The following FAM133B variants were observed in gnomAD, a reference collection of about 807,000 sequenced individuals.
FAM133B encodes protein FAM133B.
FAM133B carries 25 observed loss-of-function variants against 46.4 expected under a neutral mutation model. The ratio of observed to expected loss-of-function variants is 0.54; its 90% CI spans 0.39 to 0.75. The LOEUF (loss-of-function observed/expected upper bound fraction) is 0.75, where lower values mean the gene tolerates loss of function less well. FAM133B is among the 30% of genes least tolerant of loss of function. The pLI, the probability that FAM133B is intolerant of heterozygous loss-of-function variation, is 0.00. For missense variants in FAM133B, 205 were observed against 277.6 expected, an observed-to-expected ratio of 0.74 and a Z score of 1.86; for synonymous variants, 75 against 86.0, an observed-to-expected ratio of 0.87 and a Z score of 0.71.
At chr7:92,585,421 G>C (rs1795011735) in intron 1 of FAM133B, 1 of 946,050 alleles carries the variant, frequency 1.1e-6, no homozygotes, top group Non-Finnish European at 1.3e-6. Context: ...TTTCAGGTTA[G>C]AATTGTAAAA....
At chr7:92,576,243 C>T (rs570378654) in intron 7 of FAM133B, among the ~76,000 whole-genome samples, 3 of 152,284 alleles carry the variant, frequency 2.0e-5, no homozygotes, top group Admixed American at 6.5e-5. Flanking sequence ...ATCCATAAAG[C>T]GGATTACCAA....
In FAM133B at chr7:92,589,469, G is replaced by C. The variant is rs151031852; in HGVS notation, c.24+799C>G. On this transcript the variant is annotated intron_variant, in intron 1 of 10. Coordinates refer to ENST00000445716, the MANE Select transcript of FAM133B (RefSeq NM_152789.4). ...CATTCACTAGAGTAATAATTTTCATGCCCAGTACTCGCTCACACATCTTGC... is the reference window on the plus strand; with the variant it reads ...CATTCACTAGAGTAATAATTTTCATCCCCAGTACTCGCTCACACATCTTGC... Among the ~76,000 whole-genome samples, 572 of 152,148 alleles carry C rather than the reference G, an allele frequency of 3.8e-3. 7 individuals carry two copies. Among genetic ancestry groups the C allele is most frequent in the African/African-American group, 0.013 (551 of 41,496 alleles).
At chr7:92,574,891 G>A (rs1488961795) in intron 8 of FAM133B, among the ~76,000 whole-genome samples, 7 of 145,622 alleles carry the variant, frequency 4.8e-5, no homozygotes, top group Non-Finnish European at 1.0e-4. Flanking sequence ...CGGCCTGGGC[G>A]ACAGAGCGAG....
chr7:92,577,321 T>A, intron 6 of FAM133B, 126 bp from the exon 7 acceptor site: 2 of 545,376 alleles, frequency 3.7e-6, no homozygotes, highest in Non-Finnish European at 3.0e-6. Context: ...ATTTTTTTCT[T>A]AATACTTAAT....
At position 92,581,531 on chromosome 7, in the gene FAM133B, A is replaced by G; in HGVS notation, c.97T>C (p.Tyr33His). Residue 33 changes from tyrosine (Y) to histidine (H), a missense_variant, in exon 2 of 11, where the codon TAT becomes CAT. Coordinates refer to ENST00000445716, the MANE Select transcript of FAM133B (RefSeq NM_152789.4). ...IQSSGPTIQD[Y>H]LNRPRPTWEE... is the part of the protein sequence containing the mutation. ...CAGGTAGGCCTTGGTCGATTCAGAT[A>G]ATCCTGTATTGTTGGCCCTGAAGAC... 1 of 1,613,800 alleles carries G rather than the reference A, an allele frequency of 6.2e-7. No homozygotes were observed. Among genetic ancestry groups the G allele is most frequent in the Non-Finnish European group, 8.5e-7 (1 of 1,179,762 alleles).
rs114104652 is a variant in FAM133B at position 92,588,417 on chromosome 7, C to T, written c.24+1851G>A. The stretch of plus-strand genomic sequence containing the variant: ...AGAAGAGCCCAAAATACTCAAACAC[C>T]TAAGGATGCTCCTATGCTGAAATGG... On this transcript the variant is annotated intron_variant, in intron 1 of 10. Transcript: ENST00000445716. Among the ~76,000 whole-genome samples the T allele has an allele frequency of 7.2e-3, 1,091 of 152,242 alleles. 15 individuals are homozygous for T. Among genetic ancestry groups the T allele is most frequent in the African/African-American group, 0.025 (1,043 of 41,524 alleles).
intron 8 of FAM133B, among the ~76,000 whole-genome samples, chr7:92,572,230 G>C (rs1485937835): frequency 6.6e-6 from 1 of 152,194 alleles, no homozygotes; most frequent in Non-Finnish European, 1.5e-5. Context: ...AGGTTAAGAA[G>C]CTCAACCATT....
intron 8 of FAM133B, 71 bp downstream of exon 8, chr7:92,575,700 C>A: frequency 4.2e-6 from 3 of 722,384 alleles, no homozygotes; most frequent in South Asian, 4.1e-5. Context: ...AAGAGATACA[C>A]ATTATTGTTA....
chr7:92,578,959 G>A (rs551334605), intron 3 of FAM133B, among the ~76,000 whole-genome samples: 1 of 151,964 alleles, frequency 6.6e-6, no homozygotes, highest in Non-Finnish European at 1.5e-5. Context: ...TGAAGTAGGA[G>A]GACTGCTCAA....
chr7:92,569,089 A>T (rs1461536179), intron 9 of FAM133B, among the ~76,000 whole-genome samples: 1 of 152,208 alleles, frequency 6.6e-6, no homozygotes, highest in Non-Finnish European at 1.5e-5. Flanking sequence ...ACGATTAAAG[A>T]ATCATGAAAA....
At chr7:92,563,591 A>G (rs1001225643) in intron 10 of FAM133B, among the ~76,000 whole-genome samples, 1 of 152,150 alleles carries the variant, frequency 6.6e-6, no homozygotes, top group African/African-American at 2.4e-5. Context: ...CTTAAAACCA[A>G]TGATGCCCAA....
At chr7:92,583,001 G>A (rs1794933098) in intron 1 of FAM133B, among the ~76,000 whole-genome samples, 1 of 152,128 alleles carries the variant, frequency 6.6e-6, no homozygotes, top group Non-Finnish European at 1.5e-5. Context: ...ATTCAAAGAA[G>A]GGACTAAACA....
At chr7:92,567,936 G>C (rs1794412099) in intron 9 of FAM133B, among the ~76,000 whole-genome samples, 1 of 151,666 alleles carries the variant, frequency 6.6e-6, no homozygotes, top group Non-Finnish European at 1.5e-5. Context: ...GCTAATTTTT[G>C]TATTTTTAGT....
At position 92,566,058 on chromosome 7, in the gene FAM133B, G is replaced by C. The variant is rs182615762; in HGVS notation, c.613C>G (p.Arg205Gly). 13 of 1,612,636 alleles carry C rather than the reference G, an allele frequency of 8.1e-6. No homozygotes were observed. In the Admixed American group the frequency reaches 1.0e-4, roughly 12 times the overall value. The stretch of plus-strand genomic sequence containing the variant: ...TCACTGCTTTTCTTCTTTTTTGCTC[G>C]CACCTAGAAAGTTTAAATTTTTGTG... ...LSESEYIEEVRAKKKKSSEER... is the reference protein window; with the variant it reads ...LSESEYIEEVGAKKKKSSEER... Residue 205 changes from arginine to glycine, a missense_variant, in exon 10 of 11, where the codon CGA becomes GGA. Coordinates refer to ENST00000445716, the MANE Select transcript of FAM133B (RefSeq NM_152789.4).
intron 10 of FAM133B, among the ~76,000 whole-genome samples, chr7:92,565,149 CTTTT>C (rs72450473): frequency 2.3e-5 from 3 of 130,452 alleles, no homozygotes; most frequent in Admixed American, 7.8e-5. Flanking sequence ...GCTTATATTT[CTTTT>C]TTTTTTTTTT....
intron 1 of FAM133B, chr7:92,589,837 G>T (rs1326005169): frequency 5.9e-6 from 1 of 169,268 alleles, no homozygotes; most frequent in Non-Finnish European, 1.3e-5. Flanking sequence ...TCCCACTTGG[G>T]TGCGCAGGAG....
chr7:92,577,665 G>A lies in FAM133B; in HGVS notation c.362C>T (p.Ser121Phe), dbSNP rs1426153980. Residue 121 changes from serine (S) to phenylalanine (F), a missense_variant, in exon 6 of 11, where the codon TCT becomes TTT. Physicochemically the swap from Ser to Phe is radical, Grantham distance 155. Coordinates refer to ENST00000445716, the MANE Select transcript of FAM133B (RefSeq NM_152789.4). ...SSDSSSSSSD[S>F]EDEDKKQGKR... ...ATAAGCAAACCTTACCTCATCTTCA[G>A]AATCAGAAGAACTGCTGGAAGAATC... is the stretch of plus-strand genomic sequence containing the variant. The A allele has an allele frequency of 3.2e-6, 5 of 1,581,926 alleles. No individual in the cohort carries two copies. Among genetic ancestry groups the A allele is most frequent in the Non-Finnish European group, 4.3e-6 (5 of 1,162,704 alleles).
chr7:92,575,770 C>G lies in FAM133B; in HGVS notation c.516+1G>C, dbSNP rs748892198. ...TTAAGGCAATGTAAAAGTATAGTTA[C>G]CTTTTCTTTCTCAGTTCCATCTTTT... is the stretch of plus-strand genomic sequence containing the variant. On this transcript the variant is annotated splice_donor_variant, in intron 8 of 10. Transcript: ENST00000445716. LOFTEE classifies it high-confidence loss of function. The G allele has an allele frequency of 2.9e-6, 4 of 1,363,200 alleles. No homozygotes were observed. The Admixed American group carries it at 7.0e-5, about 24-fold the overall frequency. The allele number at this position is 1,363,200 out of a possible 1,614,324, so 84.4% of individuals were successfully genotyped here. A position where few individuals can be genotyped will look rare whatever the true frequency, so the allele number is the denominator to read the frequency against.
intron 8 of FAM133B, among the ~76,000 whole-genome samples, chr7:92,574,590 T>C (rs1043214843): frequency 6.6e-6 from 1 of 151,952 alleles, no homozygotes; most frequent in Admixed American, 6.6e-5. Context: ...TGAAACTGAA[T>C]TTCAGTTTCA....
Sources: gnomAD v4.1 joint callset for allele counts (sites outside exome capture counted in the v4.1 genomes callset) on GRCh38, gnomAD v4.1.1 for gene constraint, MANE v1.5 for transcripts, NCBI Gene and HGNC (gene_info 2026-07-23, HGNC 2026-07-21) for gene names.